Variants in PIWIL1 observed in about 807,000 individuals in gnomAD.
The protein encoded by PIWIL1 is piwi like RNA-mediated gene silencing 1.
Under a neutral mutation model 114.4 loss-of-function variants are expected in PIWIL1, and 73 were observed. That is an observed-to-expected ratio of 0.64 (90% confidence interval 0.53 to 0.78). The LOEUF is 0.78. Ranked by LOEUF, PIWIL1 falls within the 30% of genes least tolerant of loss-of-function variation. PIWIL1 has a pLI of 0.00. For missense variants in PIWIL1, 723 were observed against 1,063.1 expected (o/e 0.68, Z 4.45); for synonymous variants, 375 against 369.0 (o/e 1.02, Z -0.19).
rs1413223843 is a variant in PIWIL1 at position 130,361,599 on chromosome 12, C to G, written c.1968C>G (p.Thr656=). 1.9e-6 allele frequency: 3 copies of G among 1,612,806 alleles called. No homozygotes were observed. The highest frequency in any genetic ancestry group is 1.7e-6 in the Non-Finnish European group (2 of 1,179,010). Residue 656 remains threonine, a splice_region_variant and synonymous_variant, in exon 16 of 21, where the codon ACC becomes ACG. Coordinates refer to ENST00000245255, the MANE Select transcript of PIWIL1 (RefSeq NM_004764.5). ...TTGCCAGCATCAATGAAGGGATGAC[C>G]CGGTGAGTGAGACTGGGCTACTGTG... ...GFVASINEGM[T]RWFSRCIFQD... is the part of the protein sequence containing the mutation.
downstream of PIWIL1, among the ~76,000 whole-genome samples, chr12:130,376,498 C>A (rs751674453): frequency 6.6e-6 from 1 of 152,202 alleles, no homozygotes; most frequent in African/African-American, 2.4e-5. Context: ...CCGCATTTGA[C>A]AACCTCTGGT....
intron 18 of PIWIL1, among the ~76,000 whole-genome samples, chr12:130,365,448 A>C (rs10848088): frequency 6.6e-6 from 1 of 152,086 alleles, no homozygotes; most frequent in Non-Finnish European, 1.5e-5. Context: ...CAAGTTGTAC[A>C]TAAAGGTAAA....
chr12:130,416,228 A>C, the PIWIL1 span, among the ~76,000 whole-genome samples: 1 of 152,254 alleles, frequency 6.6e-6, no homozygotes, highest in African/African-American at 2.4e-5. Flanking sequence ...AAACTACTCT[A>C]AAATTCATAT....
chr12:130,415,047 A>G, the PIWIL1 span, among the ~76,000 whole-genome samples: 2 of 152,340 alleles, frequency 1.3e-5, no homozygotes, highest in African/African-American at 4.8e-5. Context: ...ACCCTAACTC[A>G]TTCTATGAAG....
At chr12:130,385,365 A>T in the PIWIL1 span, among the ~76,000 whole-genome samples, 1 of 152,208 alleles carries the variant, frequency 6.6e-6, no homozygotes, top group Non-Finnish European at 1.5e-5. Context: ...ATTTCATAAC[A>T]TCCTTACGTG....
intron 11 of PIWIL1, among the ~76,000 whole-genome samples, 170 bp from the exon 12 acceptor site, chr12:130,355,383 G>A (rs2073336613): frequency 6.6e-6 from 1 of 152,218 alleles, no homozygotes; most frequent in Non-Finnish European, 1.5e-5. Flanking sequence ...GAAGCCTGAA[G>A]GTGATGAGAG....
rs1332850593 is a variant in PIWIL1, at chr12:130,371,915, A to T, written c.*317A>T. The stretch of plus-strand genomic sequence containing the variant: ...GAGAGTATTTGAAATGTGTTTGGAG[A>T]TTTACTTAAACGTACTTTCAGGAGT... On this transcript the variant is annotated 3_prime_UTR_variant, in exon 21 of 21. Coordinates refer to ENST00000245255, the MANE Select transcript of PIWIL1 (RefSeq NM_004764.5). 1 of 169,190 alleles carries T rather than the reference A, an allele frequency of 5.9e-6. No individual in the cohort carries two copies. Among genetic ancestry groups the T allele is most frequent in the Non-Finnish European group, 1.3e-5 (1 of 79,570 alleles). 10.5% of individuals were successfully genotyped at this position (169,190 alleles called of 1,614,324 possible).
At chr12:130,362,235 C>G (rs150872865) in intron 16 of PIWIL1, among the ~76,000 whole-genome samples, 3 of 152,300 alleles carry the variant, frequency 2.0e-5, no homozygotes, top group African/African-American at 4.8e-5. Flanking sequence ...CCACCTTCCA[C>G]CCCCAAGTAG....
At chr12:130,413,323 T>G in the PIWIL1 span, among the ~76,000 whole-genome samples, 1 of 152,058 alleles carries the variant, frequency 6.6e-6, no homozygotes, top group Non-Finnish European at 1.5e-5. Context: ...TTTCCCTACT[T>G]GAGACTCACA....
chr12:130,347,746 G>A (rs2073106817), intron 6 of PIWIL1, among the ~76,000 whole-genome samples: 1 of 145,872 alleles, frequency 6.9e-6, no homozygotes, highest in Non-Finnish European at 1.5e-5. Context: ...AACATCGTAG[G>A]CTTTGAAAGC....
chr12:130,370,035 T>G (rs2073775682), intron 19 of PIWIL1, among the ~76,000 whole-genome samples: 1 of 152,238 alleles, frequency 6.6e-6, no homozygotes, highest in African/African-American at 2.4e-5. Context: ...CTGGCATGAT[T>G]TCGCTGTTCT....
At chr12:130,405,342 C>T in the PIWIL1 span, among the ~76,000 whole-genome samples, 2 of 152,166 alleles carry the variant, frequency 1.3e-5, no homozygotes, top group Non-Finnish European at 2.9e-5. Context: ...CACATGCCTG[C>T]GGCTGTAGCA....
At chr12:130,376,423 A>G (rs929538110), downstream of PIWIL1, among the ~76,000 whole-genome samples, 3 of 152,244 alleles carry the variant, frequency 2.0e-5, no homozygotes, top group Non-Finnish European at 4.4e-5. Flanking sequence ...ACCTCTCAGT[A>G]TCATACAGAT....
chr12:130,347,191 G>T, intron 6 of PIWIL1, 129 bp downstream of exon 6: 1 of 686,740 alleles, frequency 1.5e-6, no homozygotes, highest in Non-Finnish European at 2.4e-6. Context: ...CTGTATTGCA[G>T]TAACTTAAGG....
chr12:130,392,818 A>C, the PIWIL1 span, among the ~76,000 whole-genome samples: 4 of 115,762 alleles, frequency 3.5e-5, no homozygotes, highest in East Asian at 2.5e-4. Context: ...TTACCTGGTG[A>C]GTATTGAATG....
chr12:130,422,354 G>A, the PIWIL1 span: 19 of 713,352 alleles, frequency 2.7e-5, no homozygotes, highest in Middle Eastern at 4.1e-4. The surrounding 1 kb of genome is among the most constrained non-coding windows in gnomAD (Gnocchi z 5.2). Context: ...TTTGCTTAGC[G>A]GAAAATGCTA....
intron 14 of PIWIL1, among the ~76,000 whole-genome samples, chr12:130,359,138 C>A (rs888104598): frequency 6.6e-6 from 1 of 152,122 alleles, no homozygotes; most frequent in Non-Finnish European, 1.5e-5. Flanking sequence ...TAGAGTGTAG[C>A]CTTTATAAAC....
At position 130,371,560 on chromosome 12, in the gene PIWIL1, C is replaced by A; in HGVS notation, c.2548C>A (p.Pro850Thr). 3 of 1,613,874 alleles carry A rather than the reference C, an allele frequency of 1.9e-6. No homozygotes were observed. The highest frequency in any genetic ancestry group is 2.5e-6 in the Non-Finnish European group (3 of 1,179,792). ...FLVGQSIHRE[P>T]NLSLSNRLYY... The stretch of plus-strand genomic sequence containing the variant: ...TGTTGGCCAGAGTATTCACAGAGAG[C>A]CAAATCTGTCACTGTCAAACCGCCT... Residue 850 changes from proline to threonine, a missense_variant, in exon 21 of 21, where the codon CCA becomes ACA. By Grantham distance (38) the Pro-to-Thr change is conservative. This residue lies in a region of PIWIL1 where 106 missense variants were observed against 182.8 expected (regional missense o/e 0.58). Transcript: ENST00000245255.
At chr12:130,407,881 T>A in the PIWIL1 span, 1 of 1,528,470 alleles carries the variant, frequency 6.5e-7, no homozygotes, top group Non-Finnish European at 9.1e-7. Context: ...ATTTCAAACT[T>A]AGCGGTGTTC....
Sources: gnomAD v4.1 joint callset for allele counts (sites outside exome capture counted in the v4.1 genomes callset) on GRCh38, gnomAD v4.1.1 for gene constraint, gnomAD v4.1.1 regional missense constraint, Gnocchi (gnomAD v3.1) non-coding constraint, MANE v1.5 for transcripts, NCBI Gene and HGNC (gene_info 2026-07-23, HGNC 2026-07-21) for gene names.